Variants in BCL2L13 observed in about 807,000 individuals in gnomAD.
BCL2L13 encodes bcl-2-like protein 13.
In BCL2L13, 13 loss-of-function variants were observed where a neutral mutation model predicts 25.8. The ratio of observed to expected loss-of-function variants is 0.50; its 90% CI spans 0.33 to 0.80. The LOEUF is 0.80. BCL2L13 is among the 30% of genes least tolerant of loss of function. The pLI is 0.02. For missense variants in BCL2L13, 504 were observed against 574.9 expected (o/e 0.88, Z 1.26); for synonymous variants, 244 against 230.3 (o/e 1.06, Z -0.54).
At chr22:17,656,205 G>C (rs1328735939) in intron 2 of BCL2L13, among the ~76,000 whole-genome samples, 1 of 145,050 alleles carries the variant, frequency 6.9e-6, no homozygotes. Context: ...GCACCACTGC[G>C]CTCCAGCTTG....
chr22:17,642,686 T>C (rs555475883), intron 1 of BCL2L13, among the ~76,000 whole-genome samples: 149 of 151,950 alleles, frequency 9.8e-4, no homozygotes, highest in African/African-American at 3.5e-3. Context: ...CTCTGCCTCC[T>C]GGGTTTAAGC....
At chr22:17,633,643 G>A (rs777459373), upstream of BCL2L13, among the ~76,000 whole-genome samples, 1 of 152,108 alleles carries the variant, frequency 6.6e-6, no homozygotes, top group Non-Finnish European at 1.5e-5. Flanking sequence ...GTTTGCTCAG[G>A]AGGACAAAGC....
chr22:17,638,795 G>T lies in BCL2L13; in HGVS notation c.-142G>T, dbSNP rs1257015706. 8.1e-7 allele frequency: 1 copy of T among 1,231,894 alleles called. No homozygotes were observed. The highest frequency in any genetic ancestry group is 1.5e-5 in the African/African-American group (1 of 64,556). The allele number at this position is 1,231,894 out of a possible 1,614,324, so 76.3% of individuals were successfully genotyped here. ...GCGGCGGCGGTAGATTAGGGCCGCG[G>T]GTCGGAGCACTCACCGCCGCTGGGG... On this transcript the variant is annotated 5_prime_UTR_variant, in exon 1 of 7. Transcript: ENST00000317582.
At position 17,696,121 on chromosome 22, in the gene BCL2L13, T is replaced by G. The variant is rs1365544018; in HGVS notation, c.387-20T>G. On this transcript the variant is annotated intron_variant, in intron 4 of 6. Coordinates refer to ENST00000317582, the MANE Select transcript of BCL2L13 (RefSeq NM_015367.4). ...AATTTTCCTTCTTTGTGACACAGAC[T>G]TTTAAAAAAATCTCTACAGGCCAGT... The G allele has an allele frequency of 6.2e-7, 1 of 1,603,326 alleles. No homozygotes were observed. Among genetic ancestry groups the G allele is most frequent in the African/African-American group, 1.3e-5 (1 of 74,728 alleles).
At position 17,729,240 on chromosome 22, in the gene BCL2L13, ATGTT is replaced by A. The variant is rs2061364059; in HGVS notation, c.*1710_*1713del. 6.6e-6 allele frequency: 1 copy of A among 152,098 alleles called. No homozygotes were observed. Among genetic ancestry groups the A allele is most frequent in the Non-Finnish European group, 1.5e-5 (1 of 68,008 alleles). 9.4% of individuals were successfully genotyped at this position (152,098 alleles called of 1,614,324 possible). ...ATTGGTCAAAACAAGGTCTGGGAGT[ATGTT>A]TGTGTGTCTTTCCAGCTTTATCCTG... On this transcript the variant is annotated 3_prime_UTR_variant, in exon 7 of 7. Coordinates refer to ENST00000317582, the MANE Select transcript of BCL2L13 (RefSeq NM_015367.4).
intron 2 of BCL2L13, among the ~76,000 whole-genome samples, chr22:17,657,008 G>C (rs1274568794): frequency 6.6e-6 from 1 of 152,030 alleles, no homozygotes; most frequent in Non-Finnish European, 1.5e-5. Flanking sequence ...TAGTAGAGAC[G>C]GGGTTTCACC....
rs1037430631 is a variant in BCL2L13 at position 17,729,117 on chromosome 22, C to G, written c.*1583C>G. ...GATCTTGAAATTTATAATAAAAATA[C>G]TTTACCTACCCTGATCACCAAAACC... On this transcript the variant is annotated 3_prime_UTR_variant, in exon 7 of 7. Transcript: ENST00000317582. 3 of 152,216 alleles carry G rather than the reference C, an allele frequency of 2.0e-5. No individual in the cohort carries two copies. The highest frequency in any genetic ancestry group is 7.2e-5 in the African/African-American group (3 of 41,454). The allele number at this position is 152,216 out of a possible 1,614,324, so 9.4% of individuals were successfully genotyped here.
chr22:17,696,374 G>T (rs2060264692), intron 5 of BCL2L13, among the ~76,000 whole-genome samples, 164 bp downstream of exon 5: 1 of 152,148 alleles, frequency 6.6e-6, no homozygotes, highest in African/African-American at 2.4e-5. Flanking sequence ...TTCGATTAAT[G>T]CTGCAAGGTC....
At chr22:17,667,745 G>C (rs552380196) in intron 2 of BCL2L13, among the ~76,000 whole-genome samples, 1 of 151,878 alleles carries the variant, frequency 6.6e-6, no homozygotes, top group Admixed American at 6.6e-5. Flanking sequence ...CTGACCTCTA[G>C]TGATCTGCCC....
At chr22:17,635,124 A>G (rs2146350584), upstream of BCL2L13, among the ~76,000 whole-genome samples, 1 of 152,032 alleles carries the variant, frequency 6.6e-6, no homozygotes, top group African/African-American at 2.4e-5. Context: ...GCAGTGGCTC[A>G]TGCCTATAAT....
Position 17,669,030 on chromosome 22 carries a change from C to CTTTTTTTTTTTTT in BCL2L13, c.121+13206_121+13218dup, listed in dbSNP as rs537315017. Among the ~76,000 whole-genome samples the CTTTTTTTTTTTTT allele has an allele frequency of 3.7e-4, 41 of 111,824 alleles. 1 individual carries two copies. Among genetic ancestry groups the CTTTTTTTTTTTTT allele is most frequent in the Middle Eastern group, 6.5e-3 (1 of 154 alleles). The allele number at this position is 111,824 out of a possible 152,430, so 73.4% of individuals were successfully genotyped here. ...AAGTTTATTTGGCTCCTGTTTCTTT[C>CTTTTTTTTTTTTT]TTTTTTTTTTTTTTTTTTTTGAGAC... On this transcript the variant is annotated intron_variant, in intron 2 of 6. Coordinates refer to ENST00000317582, the MANE Select transcript of BCL2L13 (RefSeq NM_015367.4).
chr22:17,643,626 A>T (rs745804112), intron 1 of BCL2L13, among the ~76,000 whole-genome samples: 1 of 151,858 alleles, frequency 6.6e-6, no homozygotes. Context: ...TTTTATTTTT[A>T]TTTTATTTAT....
chr22:17,646,679 C>T (rs576327078), intron 1 of BCL2L13, among the ~76,000 whole-genome samples: 4 of 148,424 alleles, frequency 2.7e-5, no homozygotes, highest in Non-Finnish European at 5.9e-5. Flanking sequence ...AACTATATGT[C>T]CCTCTCATCA....
chr22:17,722,065 A>G (rs996940822), intron 6 of BCL2L13, among the ~76,000 whole-genome samples: 1 of 152,214 alleles, frequency 6.6e-6, no homozygotes, highest in Non-Finnish European at 1.5e-5. Context: ...TTATATAAAC[A>G]TTTTATTATG....
chr22:17,721,519 TAAGAAA>T (rs1203240624), intron 6 of BCL2L13, among the ~76,000 whole-genome samples: 1 of 132,520 alleles, frequency 7.5e-6, no homozygotes, highest in Non-Finnish European at 1.6e-5. Context: ...ATGACACTTA[TAAGAAA>T]TTTTTTTTTT....
At chr22:17,680,502 A>C (rs2059709959) in intron 2 of BCL2L13, among the ~76,000 whole-genome samples, 2 of 117,828 alleles carry the variant, frequency 1.7e-5, no homozygotes, top group South Asian at 3.2e-4. Context: ...AGAGAGCGAG[A>C]CTCTGTCTCA....
chr22:17,634,551 C>A (rs887577324), upstream of BCL2L13, among the ~76,000 whole-genome samples: 2 of 152,176 alleles, frequency 1.3e-5, no homozygotes, highest in African/African-American at 2.4e-5. Flanking sequence ...GGTTTTCCAA[C>A]TAAGATGTTA....
At chr22:17,641,598 A>C (rs1158369919) in intron 1 of BCL2L13, among the ~76,000 whole-genome samples, 5 of 152,070 alleles carry the variant, frequency 3.3e-5, no homozygotes, top group Non-Finnish European at 7.3e-5. Flanking sequence ...ACAATTCAGT[A>C]CTTTTTAGTA....
intron 1 of BCL2L13, 81 bp downstream of exon 1, chr22:17,638,967 T>G: frequency 5.3e-6 from 6 of 1,129,718 alleles, no homozygotes; most frequent in Non-Finnish European, 6.7e-6. Flanking sequence ...CCAGAGACCG[T>G]ATCGAGCCAC....
Sources: allele counts gnomAD v4.1 joint callset (sites outside exome capture counted in the v4.1 genomes callset), GRCh38; gene constraint gnomAD v4.1.1; transcripts MANE v1.5; gene names NCBI Gene and HGNC (gene_info 2026-07-23, HGNC 2026-07-21).